The following SOX5 variants were observed in gnomAD, a reference collection of about 807,000 sequenced individuals.
SOX5 encodes transcription factor SOX-5.
A neutral mutation model predicts 92.0 loss-of-function variants in SOX5; 9 were observed. The observed-to-expected ratio is 0.10, with a 90% CI of 0.06 to 0.17. SOX5 has a LOEUF of 0.17. Ranked by LOEUF, SOX5 falls within the 10% of genes least tolerant of loss-of-function variation. The pLI, the probability that SOX5 is intolerant of heterozygous loss-of-function variation, is 1.00. For synonymous variants in SOX5, 344 were observed against 336.3 expected, an observed-to-expected ratio of 1.02 and a Z score of -0.25; for missense variants, 642 against 944.5, an observed-to-expected ratio of 0.68 and a Z score of 4.20.
intron 1 of SOX5, among the ~76,000 whole-genome samples, chr12:24,541,485 G>A (rs535616132): frequency 2.4e-4 from 37 of 152,188 alleles, no homozygotes; most frequent in African/African-American, 7.9e-4. Flanking sequence ...CTATTTAATC[G>A]ACTCAATTAT....
chr12:24,266,340 G>A (rs1453042715), intron 3 of SOX5, among the ~76,000 whole-genome samples: 2 of 152,060 alleles, frequency 1.3e-5, no homozygotes, highest in Non-Finnish European at 2.9e-5. Context: ...ACGCACATAT[G>A]ATAATATATA....
intron 4 of SOX5, among the ~76,000 whole-genome samples, chr12:23,977,714 A>T (rs1569359464): frequency 6.6e-6 from 1 of 151,722 alleles, no homozygotes; most frequent in Non-Finnish European, 1.5e-5. Context: ...AAAGTGTTGG[A>T]AACAAAATTT....
chr12:24,444,578 T>C (rs1423863748), intron 1 of SOX5, among the ~76,000 whole-genome samples: 3 of 152,204 alleles, frequency 2.0e-5, no homozygotes, highest in African/African-American at 4.8e-5. Flanking sequence ...CCAAAGATCC[T>C]TCCTTTAGTA....
intron 3 of SOX5, among the ~76,000 whole-genome samples, chr12:23,836,330 T>A (rs926021075): frequency 5.9e-5 from 9 of 151,862 alleles, no homozygotes; most frequent in Non-Finnish European, 8.8e-5. Flanking sequence ...TCAGTTAGAG[T>A]GACACTGGAT....
chr12:24,249,182 C>G (rs982713844), intron 3 of SOX5, among the ~76,000 whole-genome samples: 2 of 152,184 alleles, frequency 1.3e-5, no homozygotes, highest in East Asian at 3.9e-4. Flanking sequence ...AATGTATTCC[C>G]AGTACTGGGG....
chr12:23,863,793 T>TACAC (rs71059936), intron 2 of SOX5, among the ~76,000 whole-genome samples: 2,004 of 145,688 alleles, frequency 0.014, 24 homozygotes, highest in Non-Finnish European at 0.016. Flanking sequence ...TTAAACACAC[T>TACAC]ACACACACAC....
chr12:24,485,560 T>C (rs1946432927), intron 1 of SOX5, among the ~76,000 whole-genome samples: 1 of 152,190 alleles, frequency 6.6e-6, no homozygotes. Context: ...TTCTTTTATC[T>C]GTAAAATGCT....
At chr12:23,660,711 A>AC (rs997288460) in intron 7 of SOX5, among the ~76,000 whole-genome samples, 3 of 152,068 alleles carry the variant, frequency 2.0e-5, no homozygotes, top group Non-Finnish European at 4.4e-5. Flanking sequence ...GGTTAAAAAA[A>AC]AAAAATCACA....
chr12:23,598,387 CTTTTTTTTT>C (rs201719026), intron 9 of SOX5, among the ~76,000 whole-genome samples: 8 of 95,160 alleles, frequency 8.4e-5, no homozygotes, highest in Admixed American at 5.1e-4. Context: ...TGTGCTTTAT[CTTTTTTTTT>C]TTTTTTTTTT....
chr12:24,297,646 G>T (rs929530423), intron 2 of SOX5, among the ~76,000 whole-genome samples: 1 of 152,178 alleles, frequency 6.6e-6, no homozygotes, highest in African/African-American at 2.4e-5. Flanking sequence ...TATTCTCACT[G>T]CATTCCCAGT....
chr12:24,048,631 A>G (rs1957267269), intron 4 of SOX5, among the ~76,000 whole-genome samples: 1 of 152,236 alleles, frequency 6.6e-6, no homozygotes, highest in Non-Finnish European at 1.5e-5. Flanking sequence ...TGATAAATGG[A>G]TAAATAAAAT....
At chr12:24,382,017 C>T (rs921053503) in intron 1 of SOX5, among the ~76,000 whole-genome samples, 2 of 152,162 alleles carry the variant, frequency 1.3e-5, no homozygotes, top group African/African-American at 4.8e-5. Context: ...GTTCCATTTG[C>T]GAGGAACTAT....
At chr12:24,420,247 T>C (rs1038286510) in intron 1 of SOX5, among the ~76,000 whole-genome samples, 1 of 152,154 alleles carries the variant, frequency 6.6e-6, no homozygotes, top group African/African-American at 2.4e-5. Flanking sequence ...CCACTGACAA[T>C]GAACATACCT....
At chr12:23,788,711 T>C (rs932772315) in intron 3 of SOX5, among the ~76,000 whole-genome samples, 3 of 151,990 alleles carry the variant, frequency 2.0e-5, no homozygotes, top group African/African-American at 7.2e-5. Context: ...TCAGATTTTA[T>C]ACAATTTGAC....
intron 2 of SOX5, among the ~76,000 whole-genome samples, chr12:24,338,837 A>G (rs1952225073): frequency 6.6e-6 from 1 of 152,108 alleles, no homozygotes; most frequent in South Asian, 2.1e-4. Context: ...TTCGCCTTCC[A>G]TCATGATTGT....
intron 4 of SOX5, among the ~76,000 whole-genome samples, chr12:24,107,950 G>A (rs12313817): frequency 0.048 from 7,321 of 152,272 alleles, 236 homozygotes; most frequent in Middle Eastern, 0.11. Context: ...TGTATAGGCT[G>A]CAAATACGTG....
At chr12:24,484,169 A>G (rs554107883) in intron 1 of SOX5, among the ~76,000 whole-genome samples, 18 of 152,140 alleles carry the variant, frequency 1.2e-4, no homozygotes, top group Non-Finnish European at 2.1e-4. Flanking sequence ...CAAGCTGTAT[A>G]TATTTAGTTC....
chr12:24,497,465 GT>G (rs1439192411), intron 1 of SOX5, among the ~76,000 whole-genome samples: 1 of 152,126 alleles, frequency 6.6e-6, no homozygotes, highest in African/African-American at 2.4e-5. Flanking sequence ...TCATCCTAAT[GT>G]TTTTTTAGAG....
intron 1 of SOX5, among the ~76,000 whole-genome samples, chr12:24,505,465 G>C (rs1205521950): frequency 6.6e-6 from 1 of 152,164 alleles, no homozygotes; most frequent in Non-Finnish European, 1.5e-5. Flanking sequence ...GCCAGTATGT[G>C]TTATGCTTTT....
Sources: gnomAD v4.1 joint callset for allele counts (sites outside exome capture counted in the v4.1 genomes callset) on GRCh38, gnomAD v4.1.1 for gene constraint, MANE v1.5 for transcripts, NCBI Gene and HGNC (gene_info 2026-07-23, HGNC 2026-07-21) for gene names.